DOT1L: variants seen among roughly 807,000 people sequenced by gnomAD.
The protein encoded by DOT1L is histone-lysine N-methyltransferase, H3 lysine-79 specific.
DOT1L carries 33 observed loss-of-function variants against 153.3 expected under a neutral mutation model. The ratio of observed to expected loss-of-function variants is 0.22; its 90% CI spans 0.16 to 0.29. The LOEUF (loss-of-function observed/expected upper bound fraction) is 0.29, where lower values mean the gene tolerates loss of function less well. Among genes scored for constraint, DOT1L ranks in the 10% least tolerant of loss-of-function variants. DOT1L has a pLI of 1.00. For synonymous variants in DOT1L, 1,135 were observed against 965.1 expected (o/e 1.18, Z -3.26); for missense variants, 1,847 against 2,119.9 (o/e 0.87, Z 2.53).
intron 8 of DOT1L, among the ~76,000 whole-genome samples, chr19:2,200,245 CT>C (rs1374567711): frequency 6.6e-6 from 1 of 152,150 alleles, no homozygotes; most frequent in African/African-American, 2.4e-5. Context: ...CCTGGGCCTC[CT>C]CCCCGCTCAG....
intron 27 of DOT1L, 139 bp from the exon 28 acceptor site, chr19:2,229,646 G>A (rs2024513600): frequency 6.3e-7 from 1 of 1,588,902 alleles, no homozygotes; most frequent in Admixed American, 1.7e-5. Context: ...AGAGGAGCTG[G>A]CACTATGCCT....
chr19:2,187,923 G>GAAA (rs11453591), intron 3 of DOT1L, among the ~76,000 whole-genome samples: 6 of 130,910 alleles, frequency 4.6e-5, no homozygotes, highest in East Asian at 2.2e-4. Context: ...CTCCATCTCA[G>GAAA]AAAAAAAAAA....
intron 20 of DOT1L, 64 bp from the exon 21 acceptor site, chr19:2,216,891 C>T: frequency 6.4e-7 from 1 of 1,567,446 alleles, no homozygotes; most frequent in Non-Finnish European, 8.7e-7. Flanking sequence ...AGGTGCTGGG[C>T]CAGGCCGCTG....
chr19:2,208,604 C>T lies in DOT1L; in HGVS notation c.964-331C>T, dbSNP rs1335894773. Among the ~76,000 whole-genome samples the T allele has an allele frequency of 1.3e-5, 2 of 152,240 alleles. No individual in the cohort carries two copies. Among genetic ancestry groups the T allele is most frequent in the East Asian group, 3.9e-4 (2 of 5,192 alleles). On this transcript the variant is annotated intron_variant, in intron 11 of 27. Transcript: ENST00000398665. The surrounding 1 kb of genome is among the most constrained non-coding windows in gnomAD (Gnocchi z 4.4). The stretch of plus-strand genomic sequence containing the variant: ...CCCTCGGCGCAGCCTCTCGCCTTCT[C>T]CTCTGAGGCGGGCGCGGTTCTTCTG...
intron 1 of DOT1L, among the ~76,000 whole-genome samples, chr19:2,167,506 C>T (rs1437884945): frequency 3.9e-5 from 6 of 152,216 alleles, no homozygotes; most frequent in African/African-American, 1.4e-4. Context: ...CCGTGTCTTT[C>T]CCTCCCTGGC....
rs2023402464 is a variant in DOT1L, at chr19:2,204,174, C to T, written c.787+1395C>T. Among the ~76,000 whole-genome samples the T allele has an allele frequency of 6.7e-6, 1 of 150,258 alleles. No individual in the cohort carries two copies. The highest frequency in any genetic ancestry group is 1.5e-5 in the Non-Finnish European group (1 of 67,544). On this transcript the variant is annotated intron_variant, in intron 9 of 27. Transcript: ENST00000398665. This position sits in a 1 kb window ranked among gnomAD's most constrained non-coding sequence, Gnocchi z 5.7. Reference sequence around the variant, plus strand: ...GCCCGTGTGCCTGTGTGTCTGTTAGCGTGTCTCTGTGTGCGTGCCTGTGCG... The same window carrying T: ...GCCCGTGTGCCTGTGTGTCTGTTAGTGTGTCTCTGTGTGCGTGCCTGTGCG...
At chr19:2,187,923 G>A (rs144485586) in intron 3 of DOT1L, among the ~76,000 whole-genome samples, 96 of 130,920 alleles carry the variant, frequency 7.3e-4, no homozygotes, top group South Asian at 2.2e-3. Flanking sequence ...CTCCATCTCA[G>A]AAAAAAAAAA....
At chr19:2,218,614 T>G (rs190377657) in intron 22 of DOT1L, among the ~76,000 whole-genome samples, 39 of 152,184 alleles carry the variant, frequency 2.6e-4, no homozygotes, top group African/African-American at 9.2e-4. Flanking sequence ...AGGATGGTCT[T>G]GATCTCCTGA....
At chr19:2,229,700 C>T in intron 27 of DOT1L, 85 bp from the exon 28 acceptor site, 6 of 1,608,396 alleles carry the variant, frequency 3.7e-6, no homozygotes, top group Non-Finnish European at 5.1e-6. Flanking sequence ...CGTGGGAGGC[C>T]TCGGTCCCCA....
At chr19:2,168,050 C>T (rs1369554943) in intron 1 of DOT1L, among the ~76,000 whole-genome samples, 2 of 152,162 alleles carry the variant, frequency 1.3e-5, no homozygotes, top group Non-Finnish European at 2.9e-5. Context: ...TGCAGCAGCA[C>T]ATTTATTCAT....
intron 1 of DOT1L, among the ~76,000 whole-genome samples, chr19:2,176,623 C>T (rs74663331): frequency 2.0e-5 from 3 of 152,182 alleles, no homozygotes; most frequent in Admixed American, 6.5e-5. Flanking sequence ...CTGTGAGAAG[C>T]GCTTGGCTGA....
intron 12 of DOT1L, 39 bp downstream of exon 12, chr19:2,209,015 C>T (rs2023609610): frequency 1.2e-6 from 2 of 1,604,888 alleles, no homozygotes; most frequent in African/African-American, 1.3e-5. Flanking sequence ...TAATAACACG[C>T]ATGCACTGAT....
At position 2,222,383 on chromosome 19, in the gene DOT1L, C is replaced by G; in HGVS notation, c.3214C>G (p.Arg1072Gly). The G allele has an allele frequency of 1.9e-6, 3 of 1,611,254 alleles. No homozygotes were observed. The highest frequency in any genetic ancestry group is 2.5e-6 in the Non-Finnish European group (3 of 1,179,260). Residue 1072 changes from arginine to glycine, a missense_variant, in exon 24 of 28, where the codon CGT becomes GGT. Arg to Gly is a moderately radical substitution (Grantham distance 125). Around this residue, in one of 8 missense-constraint regions of DOT1L, gnomAD observed 934 missense variants for 825.3 expected, o/e 1.13. Coordinates refer to ENST00000398665, the MANE Select transcript of DOT1L (RefSeq NM_032482.3). The surrounding 1 kb of genome is among the most constrained non-coding windows in gnomAD (Gnocchi z 6.5). ...GCACAGCCCCCTGACCGCCAGCGCC[C>G]GTGGGGACTGTGTGCCGAGCCACGG... The part of the protein sequence containing the change: ...SKHSPLTASA[R>G]GDCVPSHGQD...
In DOT1L at chr19:2,230,742, C is replaced by G. The variant is rs73516534; in HGVS notation, c.*950C>G. 2.5e-6 allele frequency: 1 copy of G among 397,500 alleles called. No homozygotes were observed. The highest frequency in any genetic ancestry group is 2.1e-5 in the African/African-American group (1 of 48,706). The allele number at this position is 397,500 out of a possible 1,614,324, so 24.6% of individuals were successfully genotyped here. On this transcript the variant is annotated 3_prime_UTR_variant, in exon 28 of 28. Coordinates refer to ENST00000398665, the MANE Select transcript of DOT1L (RefSeq NM_032482.3). ...ATGCACAGTGAAGAGGAAAGAAAAGCGAGGGGAAAAAACCTTATTTATTCA... is the reference window on the plus strand; with the variant it reads ...ATGCACAGTGAAGAGGAAAGAAAAGGGAGGGGAAAAAACCTTATTTATTCA...
intron 2 of DOT1L, 47 bp downstream of exon 2, chr19:2,180,803 T>C: frequency 6.2e-7 from 1 of 1,609,284 alleles, no homozygotes; most frequent in South Asian, 1.1e-5. Context: ...CCTGAGCCAC[T>C]TCCGTGGACA....
intron 27 of DOT1L, chr19:2,227,430 C>A (rs1335542268): frequency 1.6e-6 from 1 of 622,536 alleles, no homozygotes; most frequent in East Asian, 3.6e-5. Context: ...TAGGTGTGGC[C>A]GCCCGGGCTC....
intron 7 of DOT1L, among the ~76,000 whole-genome samples, chr19:2,198,161 C>A (rs2023097604): frequency 6.6e-6 from 1 of 152,228 alleles, no homozygotes; most frequent in Non-Finnish European, 1.5e-5. Context: ...GGGTTCCCAG[C>A]CCCAGGCCTG....
chr19:2,197,223 C>T lies in DOT1L; in HGVS notation c.651+2646C>T, dbSNP rs966806838. Reference sequence around the variant, plus strand: ...CATCCAGGGCTGTGGGCCCGGCTCTCCTTCCCTTTCTCATGGTGATTGTTC... The same window carrying T: ...CATCCAGGGCTGTGGGCCCGGCTCTTCTTCCCTTTCTCATGGTGATTGTTC... On this transcript the variant is annotated intron_variant, in intron 7 of 27. Coordinates refer to ENST00000398665, the MANE Select transcript of DOT1L (RefSeq NM_032482.3). The surrounding 1 kb of genome is among the most constrained non-coding windows in gnomAD (Gnocchi z 4.1). Among the ~76,000 whole-genome samples, 2 of 152,192 alleles carry T rather than the reference C, an allele frequency of 1.3e-5. No individual in the cohort carries two copies. The highest frequency in any genetic ancestry group is 1.9e-4 in the East Asian group (1 of 5,196).
chr19:2,225,038 G>A (rs575059254), intron 25 of DOT1L, among the ~76,000 whole-genome samples: 38 of 152,370 alleles, frequency 2.5e-4, no homozygotes, highest in African/African-American at 8.7e-4. Context: ...TCTGAGAGGG[G>A]CCGGGAGAGG....
Sources: gnomAD v4.1 joint callset for allele counts (sites outside exome capture counted in the v4.1 genomes callset) on GRCh38, gnomAD v4.1.1 for gene constraint, gnomAD v4.1.1 regional missense constraint, Gnocchi (gnomAD v3.1) non-coding constraint, MANE v1.5 for transcripts, NCBI Gene and HGNC (gene_info 2026-07-23, HGNC 2026-07-21) for gene names.